The following FSTL1 variants were observed in gnomAD, a reference collection of about 807,000 sequenced individuals.
The protein encoded by FSTL1 is follistatin like 1.
In FSTL1, 24 loss-of-function variants were observed where a neutral mutation model predicts 45.9. That is an observed-to-expected ratio of 0.52 (90% CI 0.38 to 0.74). The LOEUF (loss-of-function observed/expected upper bound fraction) is 0.74. Among genes scored for constraint, FSTL1 ranks in the 30% least tolerant of loss-of-function variants. The pLI is 0.00. For synonymous variants in FSTL1, 120 were observed against 137.6 expected (o/e 0.87, Z 0.89); for missense variants, 340 against 381.8 (o/e 0.89, Z 0.91).
At chr3:120,445,397 C>A (rs1255900266) in intron 2 of FSTL1, among the ~76,000 whole-genome samples, 1 of 149,488 alleles carries the variant, frequency 6.7e-6, no homozygotes, top group Non-Finnish European at 1.5e-5. Flanking sequence ...CTGGGCTAGA[C>A]ACCAAGAGAA....
intron 2 of FSTL1, among the ~76,000 whole-genome samples, chr3:120,442,270 C>T (rs993877237): frequency 2.0e-5 from 3 of 152,204 alleles, no homozygotes; most frequent in Non-Finnish European, 4.4e-5. Flanking sequence ...GGTTAAGTAA[C>T]TTGCACAAGG....
intron 5 of FSTL1, chr3:120,410,331 G>A (rs1147705): frequency 0.29 from 49,258 of 171,820 alleles, 9,143 homozygotes; most frequent in East Asian, 0.77. Context: ...TGGGTGAAAA[G>A]GGCACTGGGC....
intron 2 of FSTL1, among the ~76,000 whole-genome samples, chr3:120,442,097 A>G (rs567630929): frequency 1.1e-3 from 171 of 152,270 alleles, no homozygotes; most frequent in African/African-American, 3.5e-3. Context: ...AAATCATTAC[A>G]GAGTCAAAAA....
At chr3:120,406,041 G>A (rs1936941660) in intron 6 of FSTL1, among the ~76,000 whole-genome samples, 1 of 152,086 alleles carries the variant, frequency 6.6e-6, no homozygotes, top group Non-Finnish European at 1.5e-5. Flanking sequence ...GATAGAAGGG[G>A]AAGATGTAGC....
rs761283904 is a variant in FSTL1 at position 120,396,991 on chromosome 3, T to C, written c.888A>G (p.Thr296=). 1.2e-6 allele frequency: 2 copies of C among 1,610,848 alleles called. No homozygotes were observed. Among genetic ancestry groups the C allele is most frequent in the Admixed American group, 1.7e-5 (1 of 60,026 alleles). ...TGCTCACTCTCTTGGTCTTTTCAGCTGTTTCCTTTGAGATGCAAGAGAAAA... is the reference window on the plus strand; with the variant it reads ...TGCTCACTCTCTTGGTCTTTTCAGCCGTTTCCTTTGAGATGCAAGAGAAAA... ...YVQELQKHQE[T]AEKTKRVSTK... The change falls in exon 11 of 11, where the codon ACA becomes ACG. Residue 296 remains threonine, a synonymous_variant. Transcript: ENST00000295633.
chr3:120,410,474 A>G (rs552268107), intron 5 of FSTL1: 1 of 297,840 alleles, frequency 3.4e-6, no homozygotes, highest in South Asian at 3.1e-5. Flanking sequence ...CTACTTCACA[A>G]AGGCTACCGT....
intron 2 of FSTL1, among the ~76,000 whole-genome samples, chr3:120,428,078 G>A (rs1425279580): frequency 6.6e-6 from 1 of 152,196 alleles, no homozygotes; most frequent in Non-Finnish European, 1.5e-5. Flanking sequence ...GAGGGAGACA[G>A]GCTGGCCAAC....
intron 8 of FSTL1, 136 bp downstream of exon 8, chr3:120,403,106 G>A (rs1936860144): frequency 5.7e-6 from 4 of 706,834 alleles, no homozygotes; most frequent in South Asian, 3.4e-5. Flanking sequence ...TGGGGAGAAT[G>A]GGCTGGGGCC....
chr3:120,401,608 G>C (rs1277467980), intron 9 of FSTL1, among the ~76,000 whole-genome samples: 1 of 151,094 alleles, frequency 6.6e-6, no homozygotes, highest in Non-Finnish European at 1.5e-5. Flanking sequence ...TTTAAGACAA[G>C]GTCTTGCTCT....
rs1214305875 is a variant in FSTL1 at position 120,412,830 on chromosome 3, GCGCGCGCGCACA to G, written c.169-859_169-848del. 2.7e-3 allele frequency among the ~76,000 whole-genome samples: 218 copies of G among 81,970 alleles called. 1 individual carries two copies. Among genetic ancestry groups the G allele is most frequent in the East Asian group, 0.019 (59 of 3,092 alleles). The allele number at this position is 81,970 out of a possible 152,430, so 53.8% of individuals were successfully genotyped here. On this transcript the variant is annotated intron_variant, in intron 3 of 10. Coordinates refer to ENST00000295633, the MANE Select transcript of FSTL1 (RefSeq NM_007085.5). ...AACACACACACATGTGCGCGCGCGC[GCGCGCGCGCACA>G]CACACACACACACACACACACACAC...
intron 2 of FSTL1, among the ~76,000 whole-genome samples, chr3:120,425,357 A>G (rs2107663159): frequency 8.9e-6 from 1 of 112,366 alleles, no homozygotes; most frequent in Admixed American, 1.1e-4. Context: ...TGTCGGGATA[A>G]AACAGCCAAA....
At chr3:120,433,091 G>A (rs1311508705) in intron 2 of FSTL1, among the ~76,000 whole-genome samples, 4 of 152,206 alleles carry the variant, frequency 2.6e-5, no homozygotes, top group African/African-American at 7.2e-5. Flanking sequence ...GTGACTATGG[G>A]CAAAGAATTA....
chr3:120,402,241 C>T (rs1049644525), intron 9 of FSTL1, among the ~76,000 whole-genome samples: 5 of 152,140 alleles, frequency 3.3e-5, no homozygotes, highest in African/African-American at 4.8e-5. Context: ...AACATATTTT[C>T]TTTTTCTGCT....
At chr3:120,417,426 C>A (rs1325870979) in intron 2 of FSTL1, among the ~76,000 whole-genome samples, 2 of 152,224 alleles carry the variant, frequency 1.3e-5, no homozygotes, top group Non-Finnish European at 2.9e-5. Flanking sequence ...TCATGCAGGG[C>A]TCCCATTGGT....
intron 9 of FSTL1, 61 bp from the exon 10 acceptor site, chr3:120,400,020 C>A: frequency 9.5e-7 from 1 of 1,055,140 alleles, no homozygotes. Context: ...AGGAATCCGC[C>A]AAGATCTACC....
At chr3:120,417,170 ACCAGACAGTCCACCCT>A (rs1422803914) in intron 2 of FSTL1, among the ~76,000 whole-genome samples, 11 of 152,158 alleles carry the variant, frequency 7.2e-5, no homozygotes, top group Non-Finnish European at 1.6e-4. Context: ...CAGGGATGGA[ACCAGACAGTCCACCCT>A]CCAGGCCATG....
At chr3:120,434,202 C>T (rs551780616) in intron 2 of FSTL1, among the ~76,000 whole-genome samples, 8 of 152,060 alleles carry the variant, frequency 5.3e-5, no homozygotes, top group Non-Finnish European at 1.2e-4. Context: ...TACATTCTGA[C>T]AGTACAGAAG....
At chr3:120,442,788 G>GAAAAAAAAAAAAAAAAAAAAAAAAAA (rs749297340) in intron 2 of FSTL1, among the ~76,000 whole-genome samples, 1 of 53,266 alleles carries the variant, frequency 1.9e-5, no homozygotes. Flanking sequence ...TCTCAAAAAA[G>GAAAAAAAAAAAAAAAAAAAAAAAAAA]AAAAAAAAAA....
At chr3:120,411,163 G>A (rs914695387) in intron 4 of FSTL1, 179 bp from the exon 5 acceptor site, 11 of 545,486 alleles carry the variant, frequency 2.0e-5, no homozygotes, top group Non-Finnish European at 2.0e-5. Flanking sequence ...AGGATCTTCT[G>A]TCTCCTGCTT....
Sources: allele counts gnomAD v4.1 joint callset (sites outside exome capture counted in the v4.1 genomes callset), GRCh38; gene constraint gnomAD v4.1.1; transcripts MANE v1.5; gene names NCBI Gene and HGNC (gene_info 2026-07-23, HGNC 2026-07-21).